GPD1L: variants seen among roughly 807,000 people sequenced by gnomAD.
The protein encoded by GPD1L is glycerol-3-phosphate dehydrogenase 1 like.
GPD1L carries 17 observed loss-of-function variants against 32.9 expected under a neutral mutation model. The ratio of observed to expected loss-of-function variants is 0.52; its 90% confidence interval spans 0.35 to 0.78. The LOEUF is 0.78. Ranked by LOEUF, GPD1L falls within the 30% of genes least tolerant of loss-of-function variation. The pLI is 0.01. For synonymous variants in GPD1L, 187 were observed against 165.9 expected, an observed-to-expected ratio of 1.13 and a Z score of -0.98; for missense variants, 361 against 447.8, an observed-to-expected ratio of 0.81 and a Z score of 1.75.
At chr3:32,138,825 A>T (rs1700701773) in intron 3 of GPD1L, 98 bp downstream of exon 3, 3 of 1,285,274 alleles carry the variant, frequency 2.3e-6, no homozygotes, top group Non-Finnish European at 2.2e-6. Flanking sequence ...CTGAAGGGGA[A>T]GTTGTGGCGG....
rs34212680 is a variant in GPD1L, at chr3:32,149,948, C to CAAA, written c.618+3227_618+3229dup. 4.7e-3 allele frequency among the ~76,000 whole-genome samples: 620 copies of CAAA among 133,298 alleles called. 3 individuals carry two copies. The highest frequency in any genetic ancestry group is 0.014 in the African/African-American group (524 of 37,656). 87.4% of individuals were successfully genotyped at this position (133,298 alleles called of 152,430 possible). A position where few individuals can be genotyped will look rare whatever the true frequency, so the allele number is the denominator to read the frequency against. ...TGGGCGACAGAGTGAGACTCCGTCTCAAAAAAAAAAAAAAATGTAATTCAT... is the reference window on the plus strand; with the variant it reads ...TGGGCGACAGAGTGAGACTCCGTCTCAAAAAAAAAAAAAAAAAATGTAATTCAT... On this transcript the variant is annotated intron_variant, in intron 5 of 7. Transcript: ENST00000282541.
intron 4 of GPD1L, among the ~76,000 whole-genome samples, chr3:32,146,233 C>T (rs1010206397): frequency 6.6e-6 from 1 of 151,914 alleles, no homozygotes; most frequent in Non-Finnish European, 1.5e-5. Context: ...ACCACAGGTA[C>T]GTGCCACCAC....
At chr3:32,152,223 A>C (rs1205889241) in intron 5 of GPD1L, among the ~76,000 whole-genome samples, 1 of 152,164 alleles carries the variant, frequency 6.6e-6, no homozygotes, top group South Asian at 2.1e-4. Flanking sequence ...GGAATGCTCA[A>C]ACTGTACTGG....
intron 5 of GPD1L, among the ~76,000 whole-genome samples, chr3:32,152,854 AAAAAGAC>A (rs1700938508): frequency 1.6e-5 from 2 of 123,580 alleles, no homozygotes; most frequent in Non-Finnish European, 3.3e-5. Flanking sequence ...AGAAAAAAAA[AAAAAGAC>A]AGACAAAGAG....
chr3:32,108,330 A>T (rs1179132525), intron 1 of GPD1L, among the ~76,000 whole-genome samples: 2 of 151,984 alleles, frequency 1.3e-5, no homozygotes, highest in Non-Finnish European at 2.9e-5. Flanking sequence ...CCACGGTGAA[A>T]CCCCGTCTCT....
chr3:32,107,812 G>C (rs1205086323), intron 1 of GPD1L, among the ~76,000 whole-genome samples: 1 of 152,226 alleles, frequency 6.6e-6, no homozygotes, highest in Non-Finnish European at 1.5e-5. Flanking sequence ...GCCTCTCTCT[G>C]TGTCCCTATT....
chr3:32,125,821 A>G lies in GPD1L; in HGVS notation c.48-2255A>G, dbSNP rs151249766. Among the ~76,000 whole-genome samples, 31 of 152,332 alleles carry G rather than the reference A, an allele frequency of 2.0e-4. No homozygotes were observed. In the East Asian group the frequency reaches 4.8e-3, roughly 24 times the overall value. On this transcript the variant is annotated intron_variant, in intron 1 of 7. Transcript: ENST00000282541. Reference sequence around the variant, plus strand: ...TACGCATAGTAGGTGCTCAGTAAATATTTGATGACTGAGATAAATGAGTGA... The same window carrying G: ...TACGCATAGTAGGTGCTCAGTAAATGTTTGATGACTGAGATAAATGAGTGA...
intron 1 of GPD1L, among the ~76,000 whole-genome samples, chr3:32,121,918 G>A (rs1321095876): frequency 6.6e-6 from 1 of 151,432 alleles, no homozygotes; most frequent in African/African-American, 2.4e-5. Flanking sequence ...TTACAGGCAC[G>A]CGCCACCACG....
chr3:32,146,824 T>G, intron 5 of GPD1L, 90 bp downstream of exon 5: 2 of 803,186 alleles, frequency 2.5e-6, no homozygotes. Context: ...CTGTGTTCTG[T>G]GCACCCACAT....
At chr3:32,126,668 A>G (rs1700512442) in intron 1 of GPD1L, among the ~76,000 whole-genome samples, 1 of 152,246 alleles carries the variant, frequency 6.6e-6, no homozygotes, top group African/African-American at 2.4e-5. Context: ...GGCATAGAAT[A>G]AGAATTTCAC....
intron 5 of GPD1L, among the ~76,000 whole-genome samples, chr3:32,155,297 T>C (rs1013533304): frequency 6.6e-6 from 1 of 151,914 alleles, no homozygotes; most frequent in Admixed American, 6.6e-5. Context: ...AGTTGGGAAA[T>C]AGGAGGATAG....
chr3:32,109,535 G>A (rs139599438), intron 1 of GPD1L, among the ~76,000 whole-genome samples: 258 of 152,362 alleles, frequency 1.7e-3, no homozygotes, highest in African/African-American at 5.8e-3. Flanking sequence ...GGTTTGGGCT[G>A]GCTGCCTGGC....
intron 7 of GPD1L, among the ~76,000 whole-genome samples, chr3:32,163,447 C>T (rs993320380): frequency 2.0e-5 from 3 of 152,130 alleles, no homozygotes; most frequent in African/African-American, 7.2e-5. Flanking sequence ...AGATTACAGG[C>T]GTGAGCCAGC....
intron 1 of GPD1L, among the ~76,000 whole-genome samples, chr3:32,123,715 T>C (rs971792895): frequency 4.6e-5 from 7 of 151,728 alleles, no homozygotes; most frequent in Middle Eastern, 3.4e-3. Context: ...GACAGATAGA[T>C]AGATAGATAG....
chr3:32,141,230 T>C (rs1347241877), intron 4 of GPD1L, among the ~76,000 whole-genome samples: 1 of 152,234 alleles, frequency 6.6e-6, no homozygotes, highest in Non-Finnish European at 1.5e-5. Flanking sequence ...CAGATTCTTA[T>C]ACCTGCCTAT....
intron 4 of GPD1L, among the ~76,000 whole-genome samples, chr3:32,145,579 GA>G (rs566486357): frequency 2.0e-3 from 299 of 152,192 alleles, no homozygotes; most frequent in Non-Finnish European, 3.0e-3. Flanking sequence ...AAAGTGACTT[GA>G]GGGAGGGGCT....
intron 1 of GPD1L, among the ~76,000 whole-genome samples, chr3:32,112,471 C>A (rs1559567427): frequency 6.6e-6 from 1 of 151,562 alleles, no homozygotes; most frequent in African/African-American, 2.4e-5. Context: ...CCTGTCTGTA[C>A]AAAAAAAATA....
chr3:32,146,532 G>A, intron 4 of GPD1L, 90 bp from the exon 5 acceptor site: 2 of 791,084 alleles, frequency 2.5e-6, no homozygotes, highest in Non-Finnish European at 4.6e-6. Context: ...TACTTTTATA[G>A]TAAGTAGAAA....
At chr3:32,141,679 T>TA (rs946689348) in intron 4 of GPD1L, among the ~76,000 whole-genome samples, 7 of 151,900 alleles carry the variant, frequency 4.6e-5, no homozygotes, top group Non-Finnish European at 8.8e-5. Context: ...GACACAGGTT[T>TA]AAAAAAAAAT....
Sources: gnomAD v4.1 joint callset for allele counts (sites outside exome capture counted in the v4.1 genomes callset) on GRCh38, gnomAD v4.1.1 for gene constraint, MANE v1.5 for transcripts, NCBI Gene and HGNC (gene_info 2026-07-23, HGNC 2026-07-21) for gene names.